SLC9A9: variants seen among roughly 807,000 people sequenced by gnomAD.
SLC9A9 encodes sodium/hydrogen exchanger 9.
Under a neutral mutation model 77.8 loss-of-function variants are expected in SLC9A9, and 62 were observed. That is an observed-to-expected ratio of 0.80 (90% CI 0.65 to 0.98). The LOEUF is 0.98. Ranked by LOEUF, SLC9A9 falls within the 50% of genes least tolerant of loss-of-function variation. The pLI, the probability that SLC9A9 is intolerant of heterozygous loss-of-function variation, is 0.00. For synonymous variants in SLC9A9, 320 were observed against 283.5 expected (o/e 1.13, Z -1.29); for missense variants, 775 against 774.9 (o/e 1.00, Z 0.00).
intron 14 of SLC9A9, among the ~76,000 whole-genome samples, chr3:143,276,459 T>C (rs1938051103): frequency 6.6e-6 from 1 of 152,226 alleles, no homozygotes; most frequent in South Asian, 2.1e-4. Context: ...CCTGTTTCTA[T>C]GTAGGGATTT....
intron 12 of SLC9A9, among the ~76,000 whole-genome samples, chr3:143,449,969 TAA>T (rs1280187647): frequency 1.8e-5 from 1 of 54,454 alleles, no homozygotes; most frequent in African/African-American, 1.1e-4. Context: ...ATAATATATA[TAA>T]TATATATTAT....
intron 12 of SLC9A9, among the ~76,000 whole-genome samples, chr3:143,414,689 T>C (rs1172619634): frequency 6.6e-6 from 1 of 151,802 alleles, no homozygotes; most frequent in Non-Finnish European, 1.5e-5. Flanking sequence ...GCTGTTTCCC[T>C]CTCTCTCTCT....
chr3:143,769,879 G>A (rs1246657092), intron 4 of SLC9A9, among the ~76,000 whole-genome samples: 2 of 152,192 alleles, frequency 1.3e-5, no homozygotes, highest in Non-Finnish European at 2.9e-5. Context: ...CAAGGGTTGT[G>A]TGGAATCCCT....
chr3:143,674,624 A>G (rs76628647), intron 5 of SLC9A9, among the ~76,000 whole-genome samples: 1 of 152,152 alleles, frequency 6.6e-6, no homozygotes, highest in Non-Finnish European at 1.5e-5. Context: ...AAGAGACATC[A>G]GAGCTGGTGG....
chr3:143,767,708 T>C (rs2007372093), intron 4 of SLC9A9, among the ~76,000 whole-genome samples: 1 of 152,200 alleles, frequency 6.6e-6, no homozygotes, highest in African/African-American at 2.4e-5. Context: ...CACAATTTTT[T>C]TAAAGTTCAA....
chr3:143,634,786 TG>T, intron 6 of SLC9A9, among the ~76,000 whole-genome samples: 1 of 152,328 alleles, frequency 6.6e-6, no homozygotes, highest in Admixed American at 6.5e-5. Flanking sequence ...GGCTCTTCTT[TG>T]GCTTAAATTC....
chr3:143,565,668 C>T (rs2037156549), intron 8 of SLC9A9, among the ~76,000 whole-genome samples: 1 of 151,378 alleles, frequency 6.6e-6, no homozygotes, highest in Admixed American at 6.6e-5. Flanking sequence ...ATTGTAGGCA[C>T]TATTTCTGCA....
chr3:143,783,159 G>A (rs1198505738), intron 4 of SLC9A9, among the ~76,000 whole-genome samples: 3 of 152,114 alleles, frequency 2.0e-5, no homozygotes, highest in African/African-American at 7.2e-5. Flanking sequence ...AGAGTAGGAT[G>A]CAGGCTACAG....
intron 14 of SLC9A9, among the ~76,000 whole-genome samples, chr3:143,327,310 T>C (rs2031635481): frequency 6.6e-6 from 1 of 152,062 alleles, no homozygotes; most frequent in Non-Finnish European, 1.5e-5. Context: ...GGAACAGAGT[T>C]GGGGTGAATG....
intron 4 of SLC9A9, among the ~76,000 whole-genome samples, chr3:143,786,732 A>G (rs955843660): frequency 3.3e-5 from 5 of 152,078 alleles, no homozygotes; most frequent in Non-Finnish European, 5.9e-5. Context: ...CAGTGTATTT[A>G]TTTTTCTCTT....
At chr3:143,572,296 GGTGTGTGT>G (rs71629562) in intron 8 of SLC9A9, among the ~76,000 whole-genome samples, 16 of 148,686 alleles carry the variant, frequency 1.1e-4, no homozygotes, top group African/African-American at 2.5e-4. Context: ...CTTAGGCAAT[GGTGTGTGT>G]GTGTGTGTGT....
At chr3:143,374,642 T>G (rs1036816576) in intron 13 of SLC9A9, among the ~76,000 whole-genome samples, 1 of 151,808 alleles carries the variant, frequency 6.6e-6, no homozygotes, top group African/African-American at 2.4e-5. Flanking sequence ...TTCAAAACAA[T>G]TTTTTTGTGG....
intron 11 of SLC9A9, among the ~76,000 whole-genome samples, chr3:143,478,004 C>A (rs1238215876): frequency 2.6e-5 from 4 of 152,198 alleles, no homozygotes; most frequent in Non-Finnish European, 5.9e-5. Flanking sequence ...TCTAGCTCTG[C>A]CCCTTTCTCC....
At chr3:143,628,683 G>C (rs1466341265) in intron 6 of SLC9A9, among the ~76,000 whole-genome samples, 1 of 152,112 alleles carries the variant, frequency 6.6e-6, no homozygotes, top group Non-Finnish European at 1.5e-5. Flanking sequence ...GACTATGTTT[G>C]ATTATTTCTG....
chr3:143,777,626 C>T (rs1271300547), intron 4 of SLC9A9, among the ~76,000 whole-genome samples: 2 of 151,880 alleles, frequency 1.3e-5, no homozygotes, highest in African/African-American at 4.8e-5. Flanking sequence ...ATTGGCCTCC[C>T]TCAGCACTGT....
At chr3:143,587,643 G>A (rs920467268) in intron 6 of SLC9A9, among the ~76,000 whole-genome samples, 2 of 152,206 alleles carry the variant, frequency 1.3e-5, no homozygotes, top group African/African-American at 4.8e-5. Flanking sequence ...TTTCTTCTAG[G>A]GTGAAAGAGC....
chr3:143,582,051 A>C (rs1398292179), intron 6 of SLC9A9, among the ~76,000 whole-genome samples: 1 of 152,250 alleles, frequency 6.6e-6, no homozygotes, highest in Non-Finnish European at 1.5e-5. Context: ...AAAGAAAAGC[A>C]TGAAGGAAGG....
chr3:143,754,430 A>G (rs1442493600), intron 4 of SLC9A9, among the ~76,000 whole-genome samples: 2 of 152,150 alleles, frequency 1.3e-5, no homozygotes, highest in Admixed American at 1.3e-4. Context: ...GCTCCCAAAC[A>G]CGATTATTTT....
chr3:143,704,180 T>TC (rs1933887928), intron 4 of SLC9A9, among the ~76,000 whole-genome samples: 1 of 152,106 alleles, frequency 6.6e-6, no homozygotes, highest in African/African-American at 2.4e-5. Context: ...CAAACTATTC[T>TC]GAAAAATAGA....
Sources: allele counts gnomAD v4.1 joint callset (sites outside exome capture counted in the v4.1 genomes callset), GRCh38; gene constraint gnomAD v4.1.1; transcripts MANE v1.5; gene names NCBI Gene and HGNC (gene_info 2026-07-23, HGNC 2026-07-21).